HAVCR1: variants seen among roughly 807,000 people sequenced by gnomAD.
HAVCR1 encodes the protein hepatitis A virus cellular receptor 1, also known as T cell immunoglobin domain and mucin domain protein 1.
HAVCR1 carries 34 observed loss-of-function variants against 32.0 expected under a neutral mutation model. That is an observed-to-expected ratio of 1.06 (90% CI 0.81 to 1.42). HAVCR1 has a LOEUF of 1.42. Ranked by LOEUF, HAVCR1 falls within the 40% of genes most tolerant of loss-of-function variation. HAVCR1 has a pLI of 0.00. For missense variants in HAVCR1, 420 were observed against 442.3 expected (o/e 0.95, Z 0.45); for synonymous variants, 178 against 170.3 (o/e 1.05, Z -0.35).
chr5:157,065,293 C>T, the HAVCR1 span, among the ~76,000 whole-genome samples: 1 of 137,666 alleles, frequency 7.3e-6, no homozygotes, highest in Non-Finnish European at 1.5e-5. Context: ...CGCGACAGAG[C>T]GAGACTCCGC....
intron 7 of HAVCR1, among the ~76,000 whole-genome samples, chr5:157,035,221 A>C (rs1754456497): frequency 6.6e-6 from 1 of 152,166 alleles, no homozygotes; most frequent in Non-Finnish European, 1.5e-5. Flanking sequence ...TCAGAGGGAA[A>C]GTTTGAACTT....
chr5:157,067,011 G>A, the HAVCR1 span, among the ~76,000 whole-genome samples: 2 of 152,150 alleles, frequency 1.3e-5, no homozygotes, highest in Non-Finnish European at 2.9e-5. Flanking sequence ...ACTTGAACCC[G>A]GGAGGCGGAG....
At chr5:157,066,984 G>A in the HAVCR1 span, among the ~76,000 whole-genome samples, 1 of 152,206 alleles carries the variant, frequency 6.6e-6, no homozygotes, top group Non-Finnish European at 1.5e-5. Context: ...TACTCAGGAG[G>A]CTGAGGCATG....
intron 3 of HAVCR1, among the ~76,000 whole-genome samples, chr5:157,054,388 C>T (rs1288091581): frequency 2.0e-5 from 3 of 152,002 alleles, no homozygotes; most frequent in Middle Eastern, 3.4e-3. Context: ...CCTATAGTTC[C>T]AGCTACTTGG....
rs1755794588 is a variant in HAVCR1, at chr5:157,052,414, GT to G, written c.619del (p.Thr207LeufsTer19). 3.1e-6 allele frequency: 5 copies of G among 1,611,278 alleles called. No individual in the cohort carries two copies. The South Asian group carries it at 3.3e-5, about 11-fold the overall frequency. On this transcript the variant is annotated frameshift_variant, in exon 4 of 9. Coordinates refer to ENST00000523175, the MANE Select transcript of HAVCR1 (RefSeq NM_001173393.3). LOFTEE classifies it high-confidence loss of function. ...CATTGGAGGAACAAAGGTAGAGACA[GT>G]TGTTGTCACTGGAACACTTGTTGTT... ...PTTTSVPVTT[T>X]VSTFVPPMPL... is the part of the protein sequence containing the mutation.
At chr5:157,031,508 T>C (rs991284062) in intron 8 of HAVCR1, among the ~76,000 whole-genome samples, 1 of 152,104 alleles carries the variant, frequency 6.6e-6, no homozygotes, top group African/African-American at 2.4e-5. Flanking sequence ...CCTTGGGGCA[T>C]AGATGCAGTA....
chr5:157,063,788 G>A (rs1033145392), upstream of HAVCR1, among the ~76,000 whole-genome samples: 1 of 152,206 alleles, frequency 6.6e-6, no homozygotes, highest in African/African-American at 2.4e-5. Flanking sequence ...GGTTTGAATA[G>A]TCTCTATTAC....
At chr5:157,040,773 G>A (rs1754843536) in intron 6 of HAVCR1, among the ~76,000 whole-genome samples, 1 of 152,048 alleles carries the variant, frequency 6.6e-6, no homozygotes, top group Non-Finnish European at 1.5e-5. Context: ...GGTGGTGGGC[G>A]CCTATAATCC....
At chr5:157,056,465 C>T (rs1252276867) in intron 2 of HAVCR1, among the ~76,000 whole-genome samples, 4 of 149,682 alleles carry the variant, frequency 2.7e-5, no homozygotes, top group African/African-American at 4.9e-5. Context: ...CTGCAAGCTC[C>T]GCCTCCCAGG....
intron 7 of HAVCR1, among the ~76,000 whole-genome samples, chr5:157,034,570 G>T (rs1173963344): frequency 1.3e-5 from 2 of 151,146 alleles, no homozygotes; most frequent in East Asian, 3.9e-4. Context: ...GACCCTTTAC[G>T]GGTGTCGGGC....
At chr5:157,033,012 G>T in intron 7 of HAVCR1, 125 bp from the exon 8 acceptor site, 1 of 617,632 alleles carries the variant, frequency 1.6e-6, no homozygotes, top group Non-Finnish European at 2.8e-6. Flanking sequence ...CTGGTACCTT[G>T]AGGTGTCTCC....
chr5:157,044,641 GAAAGAAAGAAAGAAAGAAAGAA>G (rs1755237409), intron 5 of HAVCR1, among the ~76,000 whole-genome samples: 21 of 108,610 alleles, frequency 1.9e-4, no homozygotes, highest in African/African-American at 8.4e-4. Context: ...AAGAAAGAAA[GAAAGAAAGAAAGAAAGAAAGAA>G]AGAAAGAAAG....
At position 157,042,629 on chromosome 5, in the gene HAVCR1, T is replaced by C; in HGVS notation, c.835A>G (p.Thr279Ala). ...SSDGLWNNNQ[T>A]QLFLEHSLLT... ...CAAATAGGGCGGAATATGCTTACAGTTTGATTGTTATTCCAAAGGCCATCT... is the reference window on the plus strand; with the variant it reads ...CAAATAGGGCGGAATATGCTTACAGCTTGATTGTTATTCCAAAGGCCATCT... Residue 279 changes from threonine to alanine, a missense_variant and splice_region_variant, in exon 6 of 9, where the codon ACT (threonine) becomes GCT (alanine). Coordinates refer to ENST00000523175, the MANE Select transcript of HAVCR1 (RefSeq NM_001173393.3). 1 of 1,579,214 alleles carries C rather than the reference T, an allele frequency of 6.3e-7. No individual in the cohort carries two copies. The highest frequency in any genetic ancestry group is 8.7e-7 in the Non-Finnish European group (1 of 1,149,472).
chr5:157,054,212 A>AAC (rs1458771660), intron 3 of HAVCR1, among the ~76,000 whole-genome samples: 9 of 150,820 alleles, frequency 6.0e-5, no homozygotes, highest in Non-Finnish European at 3.0e-5. Flanking sequence ...AAAAAAAAAA[A>AAC]ACAAAGGCCC....
chr5:157,067,531 C>T, the HAVCR1 span, among the ~76,000 whole-genome samples: 1 of 152,126 alleles, frequency 6.6e-6, no homozygotes, highest in Non-Finnish European at 1.5e-5. Flanking sequence ...ATTAGCTGTG[C>T]ATGGTTGCAC....
chr5:157,048,472 A>G (rs1272078537), intron 5 of HAVCR1, among the ~76,000 whole-genome samples: 1 of 152,194 alleles, frequency 6.6e-6, no homozygotes, highest in Admixed American at 6.5e-5. Flanking sequence ...ACCATGTCCC[A>G]AATCTTTCAT....
At chr5:157,057,780 C>A in intron 2 of HAVCR1, 118 bp downstream of exon 2, 3 of 764,618 alleles carry the variant, frequency 3.9e-6, no homozygotes, top group Non-Finnish European at 6.9e-6. Flanking sequence ...TACAACGGTA[C>A]CCAAAGAACA....
intron 2 of HAVCR1, among the ~76,000 whole-genome samples, chr5:157,056,880 A>C (rs1756187859): frequency 6.6e-6 from 1 of 152,214 alleles, no homozygotes; most frequent in African/African-American, 2.4e-5. Flanking sequence ...CTTATCTCAT[A>C]GAATGTTTTG....
At chr5:157,031,082 C>T (rs1441559581) in intron 8 of HAVCR1, among the ~76,000 whole-genome samples, 3 of 149,094 alleles carry the variant, frequency 2.0e-5, no homozygotes, top group Non-Finnish European at 4.4e-5. Context: ...AGCACAGATT[C>T]GTGAGATTGA....
Sources: allele counts gnomAD v4.1 joint callset (sites outside exome capture counted in the v4.1 genomes callset), GRCh38; gene constraint gnomAD v4.1.1; transcripts MANE v1.5; gene names NCBI Gene and HGNC (gene_info 2026-07-23, HGNC 2026-07-21).